RALYL: variants seen among roughly 807,000 people sequenced by gnomAD.
The protein encoded by RALYL is RALY RNA binding protein like.
In RALYL, 29 loss-of-function variants were observed where a neutral mutation model predicts 35.1. The ratio of observed to expected loss-of-function variants is 0.83; its 90% CI spans 0.61 to 1.13. The LOEUF (loss-of-function observed/expected upper bound fraction) is 1.13, where lower values mean the gene tolerates loss of function less well. Ranked by LOEUF, RALYL falls within the 50% of genes most tolerant of loss-of-function variation. RALYL has a pLI of 0.00. For missense variants in RALYL, 359 were observed against 360.4 expected, an observed-to-expected ratio of 1.00 and a Z score of 0.03; for synonymous variants, 120 against 127.6, an observed-to-expected ratio of 0.94 and a Z score of 0.40.
intron 1 of RALYL, among the ~76,000 whole-genome samples, chr8:84,288,127 A>AC (rs1475787349): frequency 6.6e-6 from 1 of 152,104 alleles, no homozygotes; most frequent in East Asian, 1.9e-4. Flanking sequence ...TATGCAGAGG[A>AC]CCAGGAGTAT....
chr8:84,873,138 A>C, intron 6 of RALYL, 146 bp from the exon 7 acceptor site: 1 of 484,218 alleles, frequency 2.1e-6, no homozygotes, highest in Non-Finnish European at 3.8e-6. Flanking sequence ...GATCACTAGA[A>C]GTAATGTGAA....
intron 1 of RALYL, among the ~76,000 whole-genome samples, chr8:84,194,675 A>C (rs1478152548): frequency 6.6e-6 from 1 of 152,162 alleles, no homozygotes. Flanking sequence ...ATTTACTGCT[A>C]GTTCTGTTGC....
intron 1 of RALYL, among the ~76,000 whole-genome samples, chr8:84,499,428 G>A (rs533171572): frequency 2.8e-4 from 43 of 152,216 alleles, no homozygotes; most frequent in African/African-American, 9.1e-4. Flanking sequence ...GGGAAACATC[G>A]AAAATAACTG....
intron 2 of RALYL, among the ~76,000 whole-genome samples, chr8:84,562,960 A>G (rs1344237197): frequency 1.3e-5 from 2 of 151,894 alleles, no homozygotes; most frequent in Non-Finnish European, 2.9e-5. Flanking sequence ...GAGGGTCTGA[A>G]CACCTAGACA....
At chr8:84,400,453 A>C (rs1441042740) in intron 1 of RALYL, among the ~76,000 whole-genome samples, 2 of 152,212 alleles carry the variant, frequency 1.3e-5, no homozygotes, top group Non-Finnish European at 2.9e-5. Context: ...GTTCAGACTC[A>C]AAAGTCAAAG....
intron 2 of RALYL, among the ~76,000 whole-genome samples, chr8:84,632,136 AGAGGACAGC>A (rs1295707007): frequency 2.0e-5 from 3 of 151,908 alleles, no homozygotes; most frequent in African/African-American, 7.2e-5. Flanking sequence ...CCACCATGCG[AGAGGACAGC>A]TGGAAGATGC....
At chr8:84,211,257 C>A (rs2131166492) in intron 1 of RALYL, among the ~76,000 whole-genome samples, 1 of 152,176 alleles carries the variant, frequency 6.6e-6, no homozygotes. Context: ...TAACTCCTAC[C>A]ACAAGATTGC....
chr8:84,307,747 T>C (rs1249499411), intron 1 of RALYL, among the ~76,000 whole-genome samples: 5 of 152,116 alleles, frequency 3.3e-5, no homozygotes, highest in Admixed American at 2.6e-4. Context: ...ACCAATCCAG[T>C]TCACTTTTCA....
At chr8:84,900,861 A>C (rs1422741363) in intron 8 of RALYL, among the ~76,000 whole-genome samples, 1 of 152,212 alleles carries the variant, frequency 6.6e-6, no homozygotes, top group Non-Finnish European at 1.5e-5. Flanking sequence ...TTTCAACAGA[A>C]ATCAAGACTA....
intron 1 of RALYL, among the ~76,000 whole-genome samples, chr8:84,523,109 C>T (rs4740021): frequency 0.29 from 44,577 of 151,850 alleles, 7,999 homozygotes; most frequent in South Asian, 0.49. Context: ...AGTCCATTCT[C>T]GTGCTGCTAA....
Position 84,369,386 on chromosome 8 carries a change from CTG to C in RALYL, c.-23-159910_-23-159909del, listed in dbSNP as rs200976972. Among the ~76,000 whole-genome samples, 66 of 152,120 alleles carry C rather than the reference CTG, an allele frequency of 4.3e-4. 2 individuals are homozygous for C. The East Asian group carries it at 7.2e-3, about 17-fold the overall frequency. The stretch of plus-strand genomic sequence containing the variant: ...GATATAGACAAGCCTCTGCAGGAAA[CTG>C]TGGTAATTTTCTGTCAATAAATACC... On this transcript the variant is annotated intron_variant, in intron 1 of 8. Transcript: ENST00000521268.
At chr8:84,434,935 A>C (rs577981464) in intron 1 of RALYL, among the ~76,000 whole-genome samples, 68 of 152,324 alleles carry the variant, frequency 4.5e-4, no homozygotes, top group Non-Finnish European at 6.6e-4. Flanking sequence ...TATTTCAAGT[A>C]ATAATATCTT....
intron 2 of RALYL, among the ~76,000 whole-genome samples, chr8:84,715,594 A>G (rs1232031277): frequency 6.6e-6 from 1 of 152,070 alleles, no homozygotes; most frequent in African/African-American, 2.4e-5. Context: ...CTGCAAATGA[A>G]TGTATTTGTC....
At chr8:84,319,085 T>C (rs1844325596) in intron 1 of RALYL, among the ~76,000 whole-genome samples, 1 of 152,170 alleles carries the variant, frequency 6.6e-6, no homozygotes, top group Admixed American at 6.5e-5. Flanking sequence ...ATTTGAAATA[T>C]ACATATGGCT....
chr8:84,417,913 G>T (rs1001799142), intron 1 of RALYL, among the ~76,000 whole-genome samples: 1 of 152,060 alleles, frequency 6.6e-6, no homozygotes, highest in Non-Finnish European at 1.5e-5. Flanking sequence ...AAATAATTTT[G>T]CTTCTCTATT....
chr8:84,380,656 C>G (rs78743186), intron 1 of RALYL, among the ~76,000 whole-genome samples: 1 of 151,746 alleles, frequency 6.6e-6, no homozygotes, highest in African/African-American at 2.4e-5. Flanking sequence ...AAGTGGAGAA[C>G]GAAAAGGAGC....
intron 2 of RALYL, among the ~76,000 whole-genome samples, chr8:84,633,310 GATAACT>G (rs967545229): frequency 6.6e-5 from 10 of 151,672 alleles, no homozygotes; most frequent in Non-Finnish European, 8.8e-5. Context: ...GACAGTAGGA[GATAACT>G]ATTTATCACA....
chr8:84,436,492 A>G (rs556294547), intron 1 of RALYL, among the ~76,000 whole-genome samples: 1 of 151,514 alleles, frequency 6.6e-6, no homozygotes, highest in South Asian at 2.1e-4. Context: ...ACAAAAAATA[A>G]AACCTTCGCA....
chr8:84,382,251 A>G (rs2131616438), intron 1 of RALYL, among the ~76,000 whole-genome samples: 1 of 150,604 alleles, frequency 6.6e-6, no homozygotes, highest in African/African-American at 2.4e-5. Flanking sequence ...AAAAAACTGC[A>G]GTGAGGTTCT....
Sources: gnomAD v4.1 joint callset for allele counts (sites outside exome capture counted in the v4.1 genomes callset) on GRCh38, gnomAD v4.1.1 for gene constraint, MANE v1.5 for transcripts, NCBI Gene and HGNC (gene_info 2026-07-23, HGNC 2026-07-21) for gene names.